DTL: variants seen among roughly 807,000 people sequenced by gnomAD.
DTL encodes denticleless protein homolog.
Under a neutral mutation model 87.0 loss-of-function variants are expected in DTL, and 46 were observed. The observed-to-expected ratio is 0.53, with a 90% CI of 0.42 to 0.68. DTL has a LOEUF of 0.68. Among genes scored for constraint, DTL ranks in the 30% least tolerant of loss-of-function variants. The pLI, the probability that DTL is intolerant of heterozygous loss-of-function variation, is 0.00. For missense variants in DTL, 737 were observed against 869.4 expected (o/e 0.85, Z 1.91); for synonymous variants, 308 against 311.2 (o/e 0.99, Z 0.11).
chr1:212,037,195 G>T (rs1445342233), intron 1 of DTL, among the ~76,000 whole-genome samples: 2 of 152,114 alleles, frequency 1.3e-5, no homozygotes, highest in Non-Finnish European at 2.9e-5. Flanking sequence ...GAGCTGTTCA[G>T]CCTCTATTTT....
intron 6 of DTL, among the ~76,000 whole-genome samples, chr1:212,064,651 G>A (rs952768453): frequency 6.6e-6 from 1 of 152,080 alleles, no homozygotes; most frequent in African/African-American, 2.4e-5. Flanking sequence ...ATATTCCATT[G>A]TCTGGATGAA....
In DTL at chr1:212,100,920, G is replaced by A; in HGVS notation, c.1930G>A (p.Gly644Arg). ...GCTACCTCTTCCTTTGAGACCTTGT[G>A]GAGAAGGGTCTGAAATGGTAGGCAA... ...GTLPLPLRPCGEGSEMVGKEN... is the reference protein window; with the variant it reads ...GTLPLPLRPCREGSEMVGKEN... The change falls in exon 14 of 15, where the codon GGA becomes AGA. Residue 644 changes from glycine (G) to arginine (R), a missense_variant. Transcript: ENST00000366991. 1.9e-6 allele frequency: 3 copies of A among 1,614,150 alleles called. No homozygotes were observed. Among genetic ancestry groups the A allele is most frequent in the Non-Finnish European group, 2.5e-6 (3 of 1,180,016 alleles).
At chr1:212,061,301 A>G (rs904864571) in intron 5 of DTL, among the ~76,000 whole-genome samples, 3 of 152,108 alleles carry the variant, frequency 2.0e-5, no homozygotes, top group African/African-American at 7.2e-5. Flanking sequence ...GCGAAAGAAG[A>G]CATACAAATG....
intron 11 of DTL, among the ~76,000 whole-genome samples, chr1:212,077,164 A>G (rs1331451776): frequency 2.0e-5 from 3 of 152,194 alleles, no homozygotes; most frequent in Non-Finnish European, 4.4e-5. Context: ...TGAAAAGAGA[A>G]TAACTTCTCT....
At chr1:212,087,497 TGGA>T (rs199744705) in intron 13 of DTL, among the ~76,000 whole-genome samples, 5,322 of 149,936 alleles carry the variant, frequency 0.035, 150 homozygotes, top group Middle Eastern at 0.065. Context: ...TTGCAGTGAG[TGGA>T]GATCACGCCA....
At chr1:212,087,954 C>A (rs1655179081) in intron 13 of DTL, among the ~76,000 whole-genome samples, 1 of 151,604 alleles carries the variant, frequency 6.6e-6, no homozygotes, top group Admixed American at 6.6e-5. Flanking sequence ...CCTTTCCCAG[C>A]CGGCACCTGC....
chr1:212,075,078 T>G (rs575137654), intron 11 of DTL, among the ~76,000 whole-genome samples: 1 of 152,314 alleles, frequency 6.6e-6, no homozygotes, highest in East Asian at 1.9e-4. Flanking sequence ...ATTCTACCAC[T>G]GACTGGTGAA....
intron 13 of DTL, among the ~76,000 whole-genome samples, chr1:212,097,369 CT>C (rs1444215685): frequency 6.6e-6 from 1 of 152,066 alleles, no homozygotes; most frequent in East Asian, 1.9e-4. Context: ...GTTCTTTGAG[CT>C]TCTTGTATTT....
chr1:212,060,376 G>A (rs190982555), intron 5 of DTL, among the ~76,000 whole-genome samples: 4 of 152,046 alleles, frequency 2.6e-5, no homozygotes, highest in African/African-American at 9.7e-5. Context: ...ACAATAAACG[G>A]TGCTGGGAAA....
chr1:212,078,993 T>C (rs938464444), intron 12 of DTL, among the ~76,000 whole-genome samples: 1 of 152,108 alleles, frequency 6.6e-6, no homozygotes, highest in South Asian at 2.1e-4. Flanking sequence ...CTTTCACGTA[T>C]GACGTTTTGA....
At chr1:212,066,492 G>A (rs1654504159) in intron 7 of DTL, among the ~76,000 whole-genome samples, 1 of 152,184 alleles carries the variant, frequency 6.6e-6, no homozygotes, top group African/African-American at 2.4e-5. Context: ...GCACAAGAAA[G>A]TTAAATAAGT....
chr1:212,041,886 A>G (rs1667662228), intron 1 of DTL, among the ~76,000 whole-genome samples: 1 of 152,164 alleles, frequency 6.6e-6, no homozygotes, highest in Non-Finnish European at 1.5e-5. Flanking sequence ...TGATGGCCCC[A>G]GAACTAATTA....
At chr1:212,089,409 A>G (rs1655221352) in intron 13 of DTL, among the ~76,000 whole-genome samples, 1 of 152,218 alleles carries the variant, frequency 6.6e-6, no homozygotes, top group Admixed American at 6.5e-5. Flanking sequence ...ATATATATAT[A>G]GTATAATCCA....
chr1:212,044,741 G>A lies in DTL; in HGVS notation c.260G>A (p.Arg87Lys). ...RLYNTESQSF[R>K]KKCFKEWMAH... Reference sequence around the variant, plus strand: ...TATAACACAGAATCACAAAGTTTCAGAAAGAAGTGCTTCAAAGGTAAGTCT... The same window carrying A: ...TATAACACAGAATCACAAAGTTTCAAAAAGAAGTGCTTCAAAGGTAAGTCT... The change falls in exon 3 of 15, where the codon AGA (arginine) becomes AAA (lysine). Residue 87 changes from arginine to lysine, a missense_variant. Coordinates refer to ENST00000366991, the MANE Select transcript of DTL (RefSeq NM_016448.4). 1.2e-6 allele frequency: 2 copies of A among 1,611,974 alleles called. No homozygotes were observed. The highest frequency in any genetic ancestry group is 2.2e-5 in the South Asian group (2 of 90,758).
intron 5 of DTL, among the ~76,000 whole-genome samples, chr1:212,060,661 G>A (rs1217407300): frequency 6.6e-6 from 1 of 151,414 alleles, no homozygotes; most frequent in Non-Finnish European, 1.5e-5. Flanking sequence ...CTTGAGCACA[G>A]GAGGCAGAAA....
chr1:212,080,739 G>A lies in DTL; in HGVS notation c.1250G>A (p.Arg417Lys). 9 of 1,613,482 alleles carry A rather than the reference G, an allele frequency of 5.6e-6. No individual in the cohort carries two copies. Among genetic ancestry groups the A allele is most frequent in the Middle Eastern group, 3.3e-4 (2 of 6,060 alleles). Residue 417 changes from arginine (R) to lysine (K), a missense_variant, in exon 13 of 15, where the codon AGA becomes AAA. Transcript: ENST00000366991. ...GWASQKKKES[R>K]PGLVTVTSSQ... ...GCCTCTCAGAAGAAAAAAGAGTCAA[G>A]ACCTGGCCTAGGTAAGGATATCATA...
At chr1:212,051,937 C>T in intron 5 of DTL, 1 of 1,005,108 alleles carries the variant, frequency 9.9e-7, no homozygotes, top group South Asian at 1.3e-5. Flanking sequence ...AAAGGAACAA[C>T]TCCATGTTTT....
chr1:212,075,314 T>A (rs1423679683), intron 11 of DTL, among the ~76,000 whole-genome samples: 1 of 152,192 alleles, frequency 6.6e-6, no homozygotes, highest in Non-Finnish European at 1.5e-5. Flanking sequence ...TCCTTGTGCC[T>A]TGAATTAAAG....
chr1:212,056,419 A>G (rs748354130), intron 5 of DTL, among the ~76,000 whole-genome samples: 20 of 152,224 alleles, frequency 1.3e-4, no homozygotes, highest in Non-Finnish European at 2.4e-4. Flanking sequence ...GATAGAGACT[A>G]TGCTACTGCT....
Sources: allele counts gnomAD v4.1 joint callset (sites outside exome capture counted in the v4.1 genomes callset), GRCh38; gene constraint gnomAD v4.1.1; transcripts MANE v1.5; gene names NCBI Gene and HGNC (gene_info 2026-07-23, HGNC 2026-07-21).